CASKIN1: variants seen among roughly 807,000 people sequenced by gnomAD.
The protein encoded by CASKIN1 is caskin-1.
A neutral mutation model predicts 117.5 loss-of-function variants in CASKIN1; 42 were observed. That is an observed-to-expected ratio of 0.36 (90% CI 0.28 to 0.46). The LOEUF is 0.46. Ranked by LOEUF, CASKIN1 falls within the 20% of genes least tolerant of loss-of-function variation. The pLI, the probability that CASKIN1 is intolerant of heterozygous loss-of-function variation, is 1.00. For missense variants in CASKIN1, 2,083 were observed against 2,077.3 expected (o/e 1.00, Z -0.05); for synonymous variants, 1,148 against 961.7 (o/e 1.19, Z -3.59).
At position 2,190,317 on chromosome 16, in the gene CASKIN1, C is replaced by T; in HGVS notation, c.136G>A (p.Asp46Asn). ...STKKINVNFQ[D>N]PDGFSALHHA... Reference sequence around the variant, plus strand: ...CGGCTCAGAACTCACCCATCCGGGTCCTGGAAGTTGACATTGATCTTCTTG... The same window carrying T: ...CGGCTCAGAACTCACCCATCCGGGTTCTGGAAGTTGACATTGATCTTCTTG... Residue 46 changes from aspartate (D) to asparagine (N), a missense_variant, in exon 2 of 20, where the codon GAC (aspartate) becomes AAC (asparagine). By Grantham distance (23) the Asp-to-Asn change is conservative (BLOSUM62 1). Coordinates refer to ENST00000343516, the MANE Select transcript of CASKIN1 (RefSeq NM_020764.4). 6.3e-7 allele frequency: 1 copy of T among 1,576,572 alleles called. No individual in the cohort carries two copies. Among genetic ancestry groups the T allele is most frequent in the Non-Finnish European group, 8.6e-7 (1 of 1,160,258 alleles).
intron 1 of CASKIN1, among the ~76,000 whole-genome samples, chr16:2,194,856 C>G (rs899432417): frequency 1.3e-5 from 2 of 152,174 alleles, no homozygotes; most frequent in Non-Finnish European, 2.9e-5. Context: ...AGCCCCTGGC[C>G]CTGGGCCGTC....
chr16:2,181,118 G>A lies in CASKIN1; in HGVS notation c.2250C>T (p.Ser750=). Residue 750 remains serine, a synonymous_variant, in exon 18 of 20, where the codon AGC becomes AGT. Transcript: ENST00000343516. ...REARPGRHGH[S]IKRASVPPVP... ...CGGGGGGCACGCTGGCCCTCTTGATGCTGTGGCCGTGGCGGCCGGGCCGGG... is the reference window on the plus strand; with the variant it reads ...CGGGGGGCACGCTGGCCCTCTTGATACTGTGGCCGTGGCGGCCGGGCCGGG... The A allele has an allele frequency of 6.7e-7, 1 of 1,482,822 alleles. No individual in the cohort carries two copies. Among genetic ancestry groups the A allele is most frequent in the Non-Finnish European group, 8.9e-7 (1 of 1,125,200 alleles). 91.9% of individuals were successfully genotyped at this position (1,482,822 alleles called of 1,614,324 possible). A position where few individuals can be genotyped will look rare whatever the true frequency, so the allele number is the denominator to read the frequency against.
At chr16:2,194,448 G>C (rs1384587904) in intron 1 of CASKIN1, among the ~76,000 whole-genome samples, 1 of 152,132 alleles carries the variant, frequency 6.6e-6, no homozygotes, top group African/African-American at 2.4e-5. Flanking sequence ...GCAGGGGCTG[G>C]AGGGAAGGGA....
chr16:2,178,291 CG>C lies in CASKIN1; in HGVS notation c.*258del, dbSNP rs1034665495. On this transcript the variant is annotated 3_prime_UTR_variant, in exon 20 of 20. Coordinates refer to ENST00000343516, the MANE Select transcript of CASKIN1 (RefSeq NM_020764.4). ...TCCCGGGGCGCCCTCCCCTCCCGCG[CG>C]GGCAGGAGGCCCAGCAGGTATTGCA... The C allele has an allele frequency of 2.4e-5, 10 of 414,048 alleles. No individual in the cohort carries two copies. The highest frequency in any genetic ancestry group is 4.9e-5 in the East Asian group (1 of 20,614). 25.6% of individuals were successfully genotyped at this position (414,048 alleles called of 1,614,324 possible).
chr16:2,192,181 C>T (rs2093203120), intron 1 of CASKIN1, among the ~76,000 whole-genome samples: 1 of 152,084 alleles, frequency 6.6e-6, no homozygotes, highest in African/African-American at 2.4e-5. Flanking sequence ...TGCCTGTGGT[C>T]CCTGCTACTT....
chr16:2,190,863 T>C (rs1311352179), intron 1 of CASKIN1, among the ~76,000 whole-genome samples: 1 of 152,196 alleles, frequency 6.6e-6, no homozygotes, highest in Non-Finnish European at 1.5e-5. Flanking sequence ...GCACCCCCAC[T>C]GCCAGCCCTG....
intron 10 of CASKIN1, among the ~76,000 whole-genome samples, chr16:2,186,073 G>A (rs893980969): frequency 5.3e-5 from 8 of 152,254 alleles, no homozygotes; most frequent in Middle Eastern, 3.4e-3. Context: ...CCAGGCTCAA[G>A]CAATCCTCCC....
intron 10 of CASKIN1, among the ~76,000 whole-genome samples, chr16:2,185,989 T>A (rs2093183207): frequency 2.0e-5 from 3 of 152,198 alleles, no homozygotes; most frequent in Admixed American, 1.3e-4. Context: ...TTTTAATCAT[T>A]ATTTTTTTTT....
At chr16:2,194,205 G>A (rs926079917) in intron 1 of CASKIN1, among the ~76,000 whole-genome samples, 23 of 152,150 alleles carry the variant, frequency 1.5e-4, no homozygotes, top group Non-Finnish European at 3.1e-4. Flanking sequence ...TGTCCTCCAC[G>A]GCATTCTTGG....
intron 14 of CASKIN1, 134 bp from the exon 15 acceptor site, chr16:2,184,075 C>G (rs1199333633): frequency 3.3e-6 from 2 of 610,510 alleles, no homozygotes; most frequent in Non-Finnish European, 5.7e-6. Flanking sequence ...CTGCAGCAGG[C>G]CCCGGTGAGC....
Position 2,180,766 on chromosome 16 carries a change from CAG to C in CASKIN1, c.2600_2601del (p.Pro867ArgfsTer92), listed in dbSNP as rs1463558556. On this transcript the variant is annotated frameshift_variant, in exon 18 of 20. Transcript: ENST00000343516. LOFTEE classifies it high-confidence loss of function. ...GGCCGCCCCGGCTCCGCGTCGGCCT[CAG>C]GGGGCAGGCACAGTGTGGGCACAGC... Reference protein sequence around the residue: ...PTAVPTLCLPPEADAEPGRPK... With the variant: ...PTAVPTLCLPXEADAEPGRPK... The C allele has an allele frequency of 4.2e-6, 6 of 1,434,172 alleles. No homozygotes were observed. Among genetic ancestry groups the C allele is most frequent in the Non-Finnish European group, 4.5e-6 (5 of 1,102,090 alleles). 88.8% of individuals were successfully genotyped at this position (1,434,172 alleles called of 1,614,324 possible).
At position 2,179,696 on chromosome 16, in the gene CASKIN1, C is replaced by A. The variant is rs149465240; in HGVS notation, c.3672G>T (p.Pro1224=). The part of the protein sequence containing the change: ...PEGEARKPAK[P]PVSPKPVLTQ... ...TCAGGACGGGCTTGGGAGAGACAGG[C>A]GGCTTGGCCGGCTTCCGGGCTTCGC... Residue 1224 remains proline, a synonymous_variant, in exon 18 of 20, where the codon CCG becomes CCT. Coordinates refer to ENST00000343516, the MANE Select transcript of CASKIN1 (RefSeq NM_020764.4). This position sits in a 1 kb window ranked among gnomAD's most constrained non-coding sequence, Gnocchi z 5.8. 2.6e-6 allele frequency: 4 copies of A among 1,516,634 alleles called. No homozygotes were observed. The highest frequency in any genetic ancestry group is 1.4e-5 in the African/African-American group (1 of 72,060). 93.9% of individuals were successfully genotyped at this position (1,516,634 alleles called of 1,614,324 possible).
Position 2,183,691 on chromosome 16 carries a change from C to G in CASKIN1, c.1584G>C (p.Glu528Asp). ...KPGHRKKIAA[E>D]ISGLSIPDWL... ...AGTCAGGGATGCTTAGGCCGCTGAT[C>G]TCTGCCGCGATCTTCTTCCGGTGGC... The change falls in exon 16 of 20, where the codon GAG (glutamate) becomes GAC (aspartate). Residue 528 changes from glutamate to aspartate, a missense_variant. By Grantham distance (45) the Glu-to-Asp change is conservative. This residue lies in a region of CASKIN1 where 1,818 missense variants were observed against 1,688.9 expected (regional missense o/e 1.08). Transcript: ENST00000343516. 6.2e-7 allele frequency: 1 copy of G among 1,613,394 alleles called. No individual in the cohort carries two copies. The highest frequency in any genetic ancestry group is 1.1e-5 in the South Asian group (1 of 91,090).
At chr16:2,193,566 T>C (rs1357190423) in intron 1 of CASKIN1, among the ~76,000 whole-genome samples, 1 of 152,062 alleles carries the variant, frequency 6.6e-6, no homozygotes, top group African/African-American at 2.4e-5. Flanking sequence ...GGCCCTGTCC[T>C]CCCTCCCACA....
rs374101056 is a variant in CASKIN1, at chr16:2,194,377, C to T, written c.94+1962G>A. 1.2e-3 allele frequency among the ~76,000 whole-genome samples: 190 copies of T among 152,222 alleles called. 2 individuals are homozygous for T. The highest frequency in any genetic ancestry group is 4.5e-3 in the African/African-American group (186 of 41,532). On this transcript the variant is annotated intron_variant, in intron 1 of 19. Transcript: ENST00000343516. Reference sequence around the variant, plus strand: ...GCTGCTAAGTGTGTGCGTGCGGGCACGGGAGGCTCCCTTCAGGGCAGGGCG... The same window carrying T: ...GCTGCTAAGTGTGTGCGTGCGGGCATGGGAGGCTCCCTTCAGGGCAGGGCG...
rs974171239 is a variant in CASKIN1, at chr16:2,182,073, C to T, written c.1630-144G>A. 6.8e-5 allele frequency: 80 copies of T among 1,171,372 alleles called. No individual in the cohort carries two copies. Among genetic ancestry groups the T allele is most frequent in the Non-Finnish European group, 9.5e-5 (79 of 827,394 alleles). The allele number at this position is 1,171,372 out of a possible 1,614,324, so 72.6% of individuals were successfully genotyped here. ...AACGGATAGGCCGAGGTATTGGCAC[C>T]AGAAATGTAGGCAGAGCCTCGGCTC... On this transcript the variant is annotated intron_variant, in intron 16 of 19. Coordinates refer to ENST00000343516, the MANE Select transcript of CASKIN1 (RefSeq NM_020764.4). This position sits in a 1 kb window ranked among gnomAD's most constrained non-coding sequence, Gnocchi z 4.1.
rs200476578 is a variant in CASKIN1 at position 2,183,924 on chromosome 16, G to A, written c.1434C>T (p.Ser478=). Residue 478 remains serine (S), a synonymous_variant, in exon 15 of 20, where the codon AGC becomes AGT. Transcript: ENST00000343516. The stretch of plus-strand genomic sequence containing the variant: ...GCAGCTGGAACGCGGTGAGCCACTG[G>A]CTCACGGCCTCAGAGCTCTGGAAGA... ...ASEGKSSEAV[S]QWLTAFQLQL... 6.2e-7 allele frequency: 1 copy of A among 1,605,880 alleles called. No individual in the cohort carries two copies.
In CASKIN1 at chr16:2,178,309, G is replaced by A. The variant is rs891310296; in HGVS notation, c.*241C>T. 3 of 440,918 alleles carry A rather than the reference G, an allele frequency of 6.8e-6. No individual in the cohort carries two copies. Among genetic ancestry groups the A allele is most frequent in the South Asian group, 5.7e-5 (2 of 35,080 alleles). 27.3% of individuals were successfully genotyped at this position (440,918 alleles called of 1,614,324 possible). A position where few individuals can be genotyped will look rare whatever the true frequency, so the allele number is the denominator to read the frequency against. Reference sequence around the variant, plus strand: ...TCCCGCGCGGGCAGGAGGCCCAGCAGGTATTGCACGGGGAGCAGCAGGTGG... The same window carrying A: ...TCCCGCGCGGGCAGGAGGCCCAGCAAGTATTGCACGGGGAGCAGCAGGTGG... On this transcript the variant is annotated 3_prime_UTR_variant, in exon 20 of 20. Transcript: ENST00000343516.
Position 2,196,440 on chromosome 16 carries a change from C to T in CASKIN1, c.-8G>A. 7.9e-7 allele frequency: 1 copy of T among 1,260,302 alleles called. No homozygotes were observed. The highest frequency in any genetic ancestry group is 1.0e-6 in the Non-Finnish European group (1 of 988,044). The allele number at this position is 1,260,302 out of a possible 1,614,324, so 78.1% of individuals were successfully genotyped here. ...CTCCTGCTCCTTCCCCATGGCGCGG[C>T]CGGGGCCGCAGCGACGCGGCTGCGC... On this transcript the variant is annotated 5_prime_UTR_variant, in exon 1 of 20. Transcript: ENST00000343516. The surrounding 1 kb of genome is among the most constrained non-coding windows in gnomAD (Gnocchi z 5.7).
Sources: allele counts gnomAD v4.1 joint callset (sites outside exome capture counted in the v4.1 genomes callset), GRCh38; gene constraint gnomAD v4.1.1; regional missense constraint gnomAD v4.1.1; non-coding constraint Gnocchi (gnomAD v3.1); transcripts MANE v1.5; gene names NCBI Gene and HGNC (gene_info 2026-07-23, HGNC 2026-07-21).